Variants in ENTPD5 observed in about 807,000 individuals in gnomAD.
ENTPD5 encodes ectonucleoside triphosphate diphosphohydrolase 5 (inactive), also known as nucleoside diphosphate phosphatase ENTPD5.
A neutral mutation model predicts 60.2 loss-of-function variants in ENTPD5; 49 were observed. That is an observed-to-expected ratio of 0.81 (90% CI 0.65 to 1.03). The LOEUF (loss-of-function observed/expected upper bound fraction) is 1.03. Among genes scored for constraint, ENTPD5 ranks in the 50% least tolerant of loss-of-function variants. ENTPD5 has a pLI of 0.00. For missense variants in ENTPD5, 480 were observed against 507.6 expected (o/e 0.95, Z 0.52); for synonymous variants, 187 against 185.4 (o/e 1.01, Z -0.07).
At chr14:74,014,990 G>C (rs931207478) in intron 2 of ENTPD5, among the ~76,000 whole-genome samples, 2 of 151,714 alleles carry the variant, frequency 1.3e-5, no homozygotes, top group African/African-American at 4.8e-5. Flanking sequence ...GCTGAGGCAG[G>C]AGAATTGCTT....
chr14:74,013,916 C>T (rs2058927089), intron 2 of ENTPD5, among the ~76,000 whole-genome samples: 1 of 151,940 alleles, frequency 6.6e-6, no homozygotes, highest in Non-Finnish European at 1.5e-5. Context: ...TTTTTCATTG[C>T]TTTTTTTAAA....
At chr14:73,959,181 C>T, downstream of ENTPD5, 1 of 1,614,232 alleles carries the variant, frequency 6.2e-7, no homozygotes, top group Non-Finnish European at 8.5e-7. Context: ...AACAACGTAG[C>T]CTGGCAGAGA....
intron 3 of ENTPD5, among the ~76,000 whole-genome samples, chr14:73,994,568 A>G (rs1399116109): frequency 6.6e-6 from 1 of 151,878 alleles, no homozygotes; most frequent in African/African-American, 2.4e-5. Context: ...CCCCATCTCT[A>G]CTAAAAACAC....
At chr14:74,004,037 C>T (rs545143769) in intron 3 of ENTPD5, among the ~76,000 whole-genome samples, 24 of 152,064 alleles carry the variant, frequency 1.6e-4, no homozygotes, top group East Asian at 5.8e-4. Context: ...CCCAGGAGTT[C>T]GAAGCTGCAG....
chr14:73,986,201 T>C (rs898533299), intron 5 of ENTPD5: 4 of 152,046 alleles, frequency 2.6e-5, no homozygotes, highest in South Asian at 2.1e-4. Context: ...GAACAATAAA[T>C]ACCTTTACAT....
chr14:74,018,368 T>C (rs1021868382), intron 1 of ENTPD5: 5 of 152,134 alleles, frequency 3.3e-5, no homozygotes, highest in African/African-American at 9.7e-5. Flanking sequence ...ACGAAGGATC[T>C]ACAACCACAT....
chr14:74,003,467 C>A, intron 3 of ENTPD5: 1 of 1,426,972 alleles, frequency 7.0e-7, no homozygotes. Flanking sequence ...GGCAGAGGTC[C>A]AAGTAAACCG....
intron 15 of ENTPD5, among the ~76,000 whole-genome samples, chr14:73,967,895 C>T (rs571420754): frequency 1.6e-4 from 24 of 151,634 alleles, no homozygotes; most frequent in South Asian, 2.1e-4. Flanking sequence ...GAGGCTGAGG[C>T]GGGTGGATCA....
At chr14:74,014,135 C>G (rs1358440810) in intron 2 of ENTPD5, among the ~76,000 whole-genome samples, 2 of 152,066 alleles carry the variant, frequency 1.3e-5, no homozygotes, top group Non-Finnish European at 2.9e-5. Context: ...AATAAAGGAA[C>G]AGTAGTTAAT....
intron 12 of ENTPD5, 57 bp downstream of exon 12, chr14:73,973,820 C>T: frequency 1.3e-6 from 2 of 1,505,718 alleles, no homozygotes; most frequent in South Asian, 1.1e-5. Context: ...TCCCATGGGA[C>T]TTTTCCAGAG....
At position 73,966,950 on chromosome 14, in the gene ENTPD5, T is replaced by C; in HGVS notation, c.1265A>G (p.Gln422Arg). Residue 422 changes from glutamine (Q) to arginine (R), a missense_variant, in exon 16 of 16, where the codon CAG becomes CGG. Transcript: ENST00000334696. ...WALGATFHLLQSLGISH is the reference protein window; with the variant it reads ...WALGATFHLLRSLGISH ...GCCTCAATGGGAGATGCCCAGAGAC[T>C]GCAACAGGTGAAAGGTGGCCCCCAA... 1 of 1,614,186 alleles carries C rather than the reference T, an allele frequency of 6.2e-7. No homozygotes were observed. Among genetic ancestry groups the C allele is most frequent in the Non-Finnish European group, 8.5e-7 (1 of 1,179,990 alleles).
At chr14:73,968,812 T>C (rs777863992) in intron 15 of ENTPD5, among the ~76,000 whole-genome samples, 4 of 152,180 alleles carry the variant, frequency 2.6e-5, no homozygotes, top group Non-Finnish European at 4.4e-5. Flanking sequence ...TTGTTCTGTG[T>C]TGACCTGATG....
chr14:73,976,580 G>A (rs1311313063), intron 8 of ENTPD5, among the ~76,000 whole-genome samples, 168 bp from the exon 9 acceptor site: 1 of 151,920 alleles, frequency 6.6e-6, no homozygotes, highest in Non-Finnish European at 1.5e-5. Context: ...TGCAGCAGAG[G>A]CCTTCAAGGC....
downstream of ENTPD5, chr14:73,956,643 C>A (rs1374839082): frequency 7.9e-6 from 1 of 126,594 alleles, no homozygotes; most frequent in East Asian, 2.0e-4. Context: ...TCCTTACTGG[C>A]CATTTGTGTA....
downstream of ENTPD5, chr14:73,955,691 A>G: frequency 1.3e-6 from 2 of 1,520,814 alleles, no homozygotes; most frequent in South Asian, 2.3e-5. Context: ...TTCCTACCAG[A>G]GAGGCTGACA....
At chr14:74,004,500 G>T (rs544769690) in intron 3 of ENTPD5, among the ~76,000 whole-genome samples, 95 of 152,246 alleles carry the variant, frequency 6.2e-4, no homozygotes, top group African/African-American at 2.2e-3. Context: ...TCTGAGAGTG[G>T]TTTAATTAGA....
At chr14:73,995,613 A>G (rs2058316300) in intron 3 of ENTPD5, among the ~76,000 whole-genome samples, 1 of 150,888 alleles carries the variant, frequency 6.6e-6, no homozygotes, top group Non-Finnish European at 1.5e-5. Context: ...TAATAATAAT[A>G]ATAATAGCTG....
downstream of ENTPD5, chr14:73,955,942 C>A (rs762957015): frequency 6.2e-7 from 1 of 1,613,930 alleles, no homozygotes; most frequent in Non-Finnish European, 8.5e-7. Context: ...AGGCCCCCAT[C>A]TTCCACCTTG....
At chr14:73,962,769 A>G (rs2056805266), downstream of ENTPD5, 8 of 600,156 alleles carry the variant, frequency 1.3e-5, no homozygotes, top group South Asian at 1.7e-4. Context: ...GTGAGCTATG[A>G]TCACACCACT....
Sources: allele counts gnomAD v4.1 joint callset (sites outside exome capture counted in the v4.1 genomes callset), GRCh38; gene constraint gnomAD v4.1.1; transcripts MANE v1.5; gene names NCBI Gene and HGNC (gene_info 2026-07-23, HGNC 2026-07-21).